LRRTM3: variants seen among roughly 807,000 people sequenced by gnomAD.
LRRTM3 encodes leucine-rich repeat transmembrane neuronal protein 3.
A neutral mutation model predicts 44.7 loss-of-function variants in LRRTM3; 24 were observed. That is an observed-to-expected ratio of 0.54 (90% CI 0.39 to 0.76). The LOEUF is 0.76. Ranked by LOEUF, LRRTM3 falls within the 30% of genes least tolerant of loss-of-function variation. The pLI, the probability that LRRTM3 is intolerant of heterozygous loss-of-function variation, is 0.00. For synonymous variants in LRRTM3, 277 were observed against 278.7 expected, an observed-to-expected ratio of 0.99 and a Z score of 0.06; for missense variants, 587 against 702.2, an observed-to-expected ratio of 0.84 and a Z score of 1.85.
At chr10:67,005,708 C>T (rs138451912) in intron 2 of LRRTM3, among the ~76,000 whole-genome samples, 14 of 9,084 alleles carry the variant, frequency 1.5e-3, no homozygotes, top group Non-Finnish European at 2.8e-3. Context: ...TTTTTTGAGA[C>T]GGAGTCTTGA....
intron 2 of LRRTM3, among the ~76,000 whole-genome samples, chr10:67,076,400 G>A (rs1856752237): frequency 1.3e-5 from 2 of 152,168 alleles, no homozygotes; most frequent in Admixed American, 6.5e-5. Flanking sequence ...CAGGGGAAAG[G>A]AGCAAAGTCC....
chr10:67,050,563 C>T lies in LRRTM3; in HGVS notation c.1537-47024C>T, dbSNP rs1855023278. ...TTACTGCAGCAAAACCTAAGACCAC[C>T]TTCCCTCTGTAGCTCGAGTGGGAGA... On this transcript the variant is annotated intron_variant, in intron 2 of 2. Transcript: ENST00000361320. 2.0e-5 allele frequency among the ~76,000 whole-genome samples: 3 copies of T among 152,290 alleles called. No homozygotes were observed. In the South Asian group the frequency reaches 6.2e-4, roughly 32 times the overall value.
chr10:66,992,188 C>A (rs1281129814), intron 2 of LRRTM3, among the ~76,000 whole-genome samples: 1 of 152,122 alleles, frequency 6.6e-6, no homozygotes, highest in African/African-American at 2.4e-5. Flanking sequence ...TATGTATTGT[C>A]ATGCTTTAAT....
chr10:66,986,233 C>G (rs905381502), intron 2 of LRRTM3, among the ~76,000 whole-genome samples: 2 of 152,076 alleles, frequency 1.3e-5, no homozygotes, highest in Non-Finnish European at 2.9e-5. Context: ...CATGGTGGCT[C>G]GTACCTGTAA....
intron 2 of LRRTM3, among the ~76,000 whole-genome samples, chr10:66,954,903 GTAA>G (rs1178917915): frequency 6.6e-6 from 1 of 152,148 alleles, no homozygotes; most frequent in Non-Finnish European, 1.5e-5. Flanking sequence ...TCATTGGCTT[GTAA>G]TGTAATTTTG....
At chr10:67,053,383 C>T (rs185319133) in intron 2 of LRRTM3, among the ~76,000 whole-genome samples, 208 of 152,204 alleles carry the variant, frequency 1.4e-3, no homozygotes, top group African/African-American at 4.8e-3. Flanking sequence ...TTAAGAGTAT[C>T]TCTAGTAATT....
At chr10:67,016,566 G>A (rs1026138769) in intron 2 of LRRTM3, among the ~76,000 whole-genome samples, 48 of 152,194 alleles carry the variant, frequency 3.2e-4, no homozygotes, top group African/African-American at 1.0e-3. Context: ...AGAGTCTCAG[G>A]CGGGATTTCT....
chr10:67,056,541 G>A (rs1408701589), intron 2 of LRRTM3, among the ~76,000 whole-genome samples: 1 of 152,086 alleles, frequency 6.6e-6, no homozygotes, highest in Non-Finnish European at 1.5e-5. Flanking sequence ...TACTTCTTAA[G>A]CATCAAAGGA....
At chr10:67,002,442 T>A (rs1360427802) in intron 2 of LRRTM3, among the ~76,000 whole-genome samples, 1 of 152,188 alleles carries the variant, frequency 6.6e-6, no homozygotes, top group Non-Finnish European at 1.5e-5. Context: ...TAATGCTTTC[T>A]ACAAGGTTGA....
At chr10:67,056,217 T>C (rs1207195527) in intron 2 of LRRTM3, among the ~76,000 whole-genome samples, 2 of 152,150 alleles carry the variant, frequency 1.3e-5, no homozygotes, top group Non-Finnish European at 2.9e-5. Flanking sequence ...ATATGGTTGG[T>C]ATACAAGTTC....
intron 2 of LRRTM3, among the ~76,000 whole-genome samples, chr10:66,974,606 C>T (rs1327551503): frequency 6.6e-6 from 1 of 152,118 alleles, no homozygotes; most frequent in Non-Finnish European, 1.5e-5. Flanking sequence ...GTGGTTATTC[C>T]ATTTCACATT....
intron 2 of LRRTM3, among the ~76,000 whole-genome samples, chr10:66,994,142 C>T (rs892010910): frequency 6.6e-6 from 1 of 152,094 alleles, no homozygotes; most frequent in Non-Finnish European, 1.5e-5. Flanking sequence ...GTTGCCATCA[C>T]TATATTCTTA....
At chr10:67,086,245 T>C (rs1254600997) in intron 2 of LRRTM3, among the ~76,000 whole-genome samples, 2 of 152,060 alleles carry the variant, frequency 1.3e-5, no homozygotes, top group East Asian at 3.8e-4. Flanking sequence ...GAAACTCATC[T>C]GAAGGATTTT....
At chr10:67,051,159 C>T (rs74685085) in intron 2 of LRRTM3, among the ~76,000 whole-genome samples, 7,103 of 152,276 alleles carry the variant, frequency 0.047, 192 homozygotes, top group East Asian at 0.13. Flanking sequence ...TCTGCCCTGG[C>T]AGGAATGAGA....
chr10:67,090,989 C>T (rs1251646603), intron 2 of LRRTM3, among the ~76,000 whole-genome samples: 1 of 152,122 alleles, frequency 6.6e-6, no homozygotes, highest in Middle Eastern at 3.4e-3. Context: ...AATTTTCAAG[C>T]TGGGAGTCAA....
At chr10:66,948,305 C>G (rs1412335516) in intron 2 of LRRTM3, among the ~76,000 whole-genome samples, 1 of 152,182 alleles carries the variant, frequency 6.6e-6, no homozygotes, top group African/African-American at 2.4e-5. Flanking sequence ...TTTAATAAAG[C>G]TTTTCTGAAT....
chr10:67,100,894 A>G lies in LRRTM3; in HGVS notation c.*3098A>G, dbSNP rs996596536. Among the ~76,000 whole-genome samples the G allele has an allele frequency of 2.6e-5, 4 of 151,732 alleles. No individual in the cohort carries two copies. The highest frequency in any genetic ancestry group is 9.7e-5 in the African/African-American group (4 of 41,374). ...TACAGGCTGTTAGTCTTTCCACTGTACTAAAAGATTTCTTTCTCTGATCAG... is the reference window on the plus strand; with the variant it reads ...TACAGGCTGTTAGTCTTTCCACTGTGCTAAAAGATTTCTTTCTCTGATCAG... On this transcript the variant is annotated 3_prime_UTR_variant, in exon 3 of 3. Coordinates refer to ENST00000361320, the MANE Select transcript of LRRTM3 (RefSeq NM_178011.5).
chr10:67,043,837 C>CT (rs563288254), intron 2 of LRRTM3, among the ~76,000 whole-genome samples: 17 of 151,908 alleles, frequency 1.1e-4, no homozygotes, highest in Middle Eastern at 3.4e-3. Context: ...GTGAGGACTA[C>CT]TTTTTTTTCT....
chr10:66,942,512 T>A (rs988824592), intron 2 of LRRTM3, among the ~76,000 whole-genome samples: 1 of 151,978 alleles, frequency 6.6e-6, no homozygotes, highest in African/African-American at 2.4e-5. Flanking sequence ...TTAGTTCCAT[T>A]ATCCTACAAA....
Sources: allele counts gnomAD v4.1 joint callset (sites outside exome capture counted in the v4.1 genomes callset), GRCh38; gene constraint gnomAD v4.1.1; transcripts MANE v1.5; gene names NCBI Gene and HGNC (gene_info 2026-07-23, HGNC 2026-07-21).